GAL3ST2: variants seen among roughly 807,000 people sequenced by gnomAD.
GAL3ST2 encodes the protein galactose-3-O-sulfotransferase 2.
Under a neutral mutation model 12.9 loss-of-function variants are expected in GAL3ST2, and 16 were observed. That is an observed-to-expected ratio of 1.24 (90% CI 0.84 to 1.88). The LOEUF (loss-of-function observed/expected upper bound fraction) is 1.88. Among genes scored for constraint, GAL3ST2 ranks in the 40% most tolerant of loss-of-function variants. The pLI is 0.00. For synonymous variants in GAL3ST2, 302 were observed against 273.9 expected (o/e 1.10, Z -1.01); for missense variants, 639 against 571.8 (o/e 1.12, Z -1.20).
In GAL3ST2 at chr2:241,802,223, T is replaced by TCGCCTGC. The variant is rs1241996483; in HGVS notation, c.375+190_375+196dup. 6.6e-6 allele frequency among the ~76,000 whole-genome samples: 1 copy of TCGCCTGC among 152,112 alleles called. No homozygotes were observed. The highest frequency in any genetic ancestry group is 1.5e-5 in the Non-Finnish European group (1 of 67,996). On this transcript the variant is annotated intron_variant, in intron 3 of 3. Coordinates refer to ENST00000192314, the MANE Select transcript of GAL3ST2 (RefSeq NM_022134.3). The surrounding 1 kb of genome is among the most constrained non-coding windows in gnomAD (Gnocchi z 4.8). ...AACCCCTGCCCCTCCAGGCGGCCAGTCGCCTGCCGTTGCTCTTGGAATGAG... is the reference window on the plus strand; with the variant it reads ...AACCCCTGCCCCTCCAGGCGGCCAGTCGCCTGCCGCCTGCCGTTGCTCTTGGAATGAG...
At position 241,793,278 on chromosome 2, in the gene GAL3ST2, C is replaced by T. The variant is rs1364518461; in HGVS notation, c.30-5787C>T. On this transcript the variant is annotated intron_variant, in intron 1 of 3. Transcript: ENST00000192314. The surrounding 1 kb of genome is among the most constrained non-coding windows in gnomAD (Gnocchi z 4.7). ...TGCCATAAAGTTCATCCATGTCCAGCGAGCTGGTCAGAAGGAACCGCAGGG... is the reference window on the plus strand; with the variant it reads ...TGCCATAAAGTTCATCCATGTCCAGTGAGCTGGTCAGAAGGAACCGCAGGG... Among the ~76,000 whole-genome samples, 5 of 152,106 alleles carry T rather than the reference C, an allele frequency of 3.3e-5. No homozygotes were observed. The highest frequency in any genetic ancestry group is 3.8e-4 in the East Asian group (2 of 5,198).
Position 241,804,001 on chromosome 2 carries a change from C to A in GAL3ST2, c.1032C>A (p.Ser344=). The A allele has an allele frequency of 6.4e-7, 1 of 1,564,270 alleles. No individual in the cohort carries two copies. Among genetic ancestry groups the A allele is most frequent in the East Asian group, 2.5e-5 (1 of 39,918 alleles). Residue 344 remains serine, a synonymous_variant, in exon 4 of 4, where the codon TCC becomes TCA. Transcript: ENST00000192314. ...IRDPRLRPYQ[S]GKADILGYNL... Reference sequence around the variant, plus strand: ...ACCCGCGCCTGCGCCCCTACCAGTCCGGCAAGGCCGACATCCTGGGTTACA... The same window carrying A: ...ACCCGCGCCTGCGCCCCTACCAGTCAGGCAAGGCCGACATCCTGGGTTACA...
Position 241,802,109 on chromosome 2 carries a change from TG to T in GAL3ST2, c.375+75del. On this transcript the variant is annotated intron_variant, in intron 3 of 3. Transcript: ENST00000192314. This position sits in a 1 kb window ranked among gnomAD's most constrained non-coding sequence, Gnocchi z 4.8. ...GGCTGTGGGTCTGGGTGGTGTAGCC[TG>T]GAGGCTGGAGAGAAGGAGTGTAAGG... 1 of 1,480,912 alleles carries T rather than the reference TG, an allele frequency of 6.8e-7. No homozygotes were observed. Among genetic ancestry groups the T allele is most frequent in the East Asian group, 2.5e-5 (1 of 39,846 alleles). 91.7% of individuals were successfully genotyped at this position (1,480,912 alleles called of 1,614,324 possible). A position where few individuals can be genotyped will look rare whatever the true frequency, so the allele number is the denominator to read the frequency against.
intron 1 of GAL3ST2, among the ~76,000 whole-genome samples, chr2:241,778,265 G>A (rs1575359860): frequency 6.6e-6 from 1 of 152,224 alleles, no homozygotes. Context: ...CAAATCAACA[G>A]CCCTGGGGAC....
chr2:241,788,798 T>TGGAGAGAGAAAC (rs1699658487), intron 1 of GAL3ST2, among the ~76,000 whole-genome samples: 1 of 152,118 alleles, frequency 6.6e-6, no homozygotes, highest in Admixed American at 6.5e-5. Context: ...CATAGACCTC[T>TGGAGAGAGAAAC]GGAGAGAGAA....
rs1265140181 is a variant in GAL3ST2, at chr2:241,776,842, G to T, written c.-114G>T. Reference sequence around the variant, plus strand: ...ATTCCAGTTCACCTGCCCCACAGCCGCACCCTGCCTGTGCCTGCACCCTGG... The same window carrying T: ...ATTCCAGTTCACCTGCCCCACAGCCTCACCCTGCCTGTGCCTGCACCCTGG... On this transcript the variant is annotated 5_prime_UTR_variant, in exon 1 of 4. Coordinates refer to ENST00000192314, the MANE Select transcript of GAL3ST2 (RefSeq NM_022134.3). 3.4e-6 allele frequency: 3 copies of T among 886,288 alleles called. No individual in the cohort carries two copies. Among genetic ancestry groups the T allele is most frequent in the South Asian group, 3.6e-5 (1 of 27,598 alleles). 54.9% of individuals were successfully genotyped at this position (886,288 alleles called of 1,614,324 possible). A position where few individuals can be genotyped will look rare whatever the true frequency, so the allele number is the denominator to read the frequency against.
rs933403225 is a variant in GAL3ST2 at position 241,798,961 on chromosome 2, C to T, written c.30-104C>T. ...AAGACGTTACAGAGGTGAGGGGAGG[C>T]CCAGACCTGTGTGGCCCAAGGCCTG... On this transcript the variant is annotated intron_variant, in intron 1 of 3. Coordinates refer to ENST00000192314, the MANE Select transcript of GAL3ST2 (RefSeq NM_022134.3). 26 of 883,996 alleles carry T rather than the reference C, an allele frequency of 2.9e-5. No homozygotes were observed. The Admixed American group carries it at 4.6e-4, about 16-fold the overall frequency. The allele number at this position is 883,996 out of a possible 1,614,324, so 54.8% of individuals were successfully genotyped here.
At chr2:241,780,275 C>G (rs1266094643) in intron 1 of GAL3ST2, among the ~76,000 whole-genome samples, 1 of 152,144 alleles carries the variant, frequency 6.6e-6, no homozygotes. Flanking sequence ...AATCCCAGCA[C>G]TTTGGGAGGC....
intron 1 of GAL3ST2, among the ~76,000 whole-genome samples, chr2:241,786,302 A>AAAC (rs200893227): frequency 2.2e-4 from 34 of 152,272 alleles, no homozygotes; most frequent in African/African-American, 7.5e-4. Flanking sequence ...AAACAGAGAC[A>AAAC]AACAACAACA....
Position 241,793,655 on chromosome 2 carries a change from CAT to C in GAL3ST2, c.30-5407_30-5406del, listed in dbSNP as rs576160600. Among the ~76,000 whole-genome samples, 95 of 147,708 alleles carry C rather than the reference CAT, an allele frequency of 6.4e-4. 1 individual carries two copies. In the East Asian group the frequency reaches 8.9e-3, roughly 14 times the overall value. On this transcript the variant is annotated intron_variant, in intron 1 of 3. Transcript: ENST00000192314. This position sits in a 1 kb window ranked among gnomAD's most constrained non-coding sequence, Gnocchi z 4.7. ...TGTTTGTGTGTACATATTGTGTATG[CAT>C]ATGTGTGTGTATGCACATATTGTGT...
At position 241,801,332 on chromosome 2, in the gene GAL3ST2, T is replaced by TCTCGGTGGTC; in HGVS notation, c.120-449_120-448insCTCGGTGGTC. 5.3e-6 allele frequency: 1 copy of TCTCGGTGGTC among 189,548 alleles called. No homozygotes were observed. Among genetic ancestry groups the TCTCGGTGGTC allele is most frequent in the Non-Finnish European group, 1.1e-5 (1 of 92,090 alleles). 11.7% of individuals were successfully genotyped at this position (189,548 alleles called of 1,614,324 possible). On this transcript the variant is annotated intron_variant, in intron 2 of 3. Coordinates refer to ENST00000192314, the MANE Select transcript of GAL3ST2 (RefSeq NM_022134.3). The surrounding 1 kb of genome is among the most constrained non-coding windows in gnomAD (Gnocchi z 4.4). ...GCTGCACAGTATTCCGTGGTGTAGA[T>TCTCGGTGGTC]GTGCCACATTTTCTTTACGGTCTCT...
chr2:241,797,366 G>A (rs1031086888), intron 1 of GAL3ST2, among the ~76,000 whole-genome samples: 16 of 152,180 alleles, frequency 1.1e-4, no homozygotes, highest in African/African-American at 3.9e-4. Context: ...TGACTGTTTA[G>A]AATTTTTCTG....
intron 1 of GAL3ST2, among the ~76,000 whole-genome samples, chr2:241,783,728 C>T (rs900072125): frequency 2.2e-4 from 34 of 152,168 alleles, no homozygotes; most frequent in African/African-American, 7.7e-4. Context: ...CATCATTTAA[C>T]GTTATGAAAC....
At chr2:241,779,625 A>G (rs1030782831) in intron 1 of GAL3ST2, among the ~76,000 whole-genome samples, 2 of 151,964 alleles carry the variant, frequency 1.3e-5, no homozygotes, top group Non-Finnish European at 2.9e-5. Context: ...CAAAGAAAAG[A>G]GCAATCCTGG....
chr2:241,785,820 C>T (rs921993029), intron 1 of GAL3ST2, among the ~76,000 whole-genome samples: 4 of 151,994 alleles, frequency 2.6e-5, no homozygotes, highest in Admixed American at 2.6e-4. Context: ...AGACAAAAAA[C>T]CCAAAAACAT....
chr2:241,790,712 G>A (rs1699684561), intron 1 of GAL3ST2, among the ~76,000 whole-genome samples: 1 of 152,138 alleles, frequency 6.6e-6, no homozygotes, highest in African/African-American at 2.4e-5. Flanking sequence ...TCTCTTGTGG[G>A]AAAAATCCAC....
intron 1 of GAL3ST2, among the ~76,000 whole-genome samples, chr2:241,780,939 G>T (rs114131819): frequency 1.3e-5 from 2 of 152,222 alleles, no homozygotes; most frequent in African/African-American, 4.8e-5. Context: ...TATTGGGTCC[G>T]TAAGTCAAGT....
rs548783494 is a variant in GAL3ST2, at chr2:241,802,387, T to C, written c.375+351T>C. ...GGCTGCAGGCCCTTCTTTGGGTCCC[T>C]TGGGTCTCAGCATAGAGCCGGCTTC... On this transcript the variant is annotated intron_variant, in intron 3 of 3. Transcript: ENST00000192314. This position sits in a 1 kb window ranked among gnomAD's most constrained non-coding sequence, Gnocchi z 4.8. 4.6e-5 allele frequency among the ~76,000 whole-genome samples: 7 copies of C among 152,250 alleles called. No individual in the cohort carries two copies. Among genetic ancestry groups the C allele is most frequent in the African/African-American group, 1.4e-4 (6 of 41,554 alleles).
chr2:241,797,482 A>C (rs1489479402), intron 1 of GAL3ST2, among the ~76,000 whole-genome samples: 2 of 152,210 alleles, frequency 1.3e-5, no homozygotes, highest in Non-Finnish European at 2.9e-5. Context: ...TTTATGCAAA[A>C]ATCATCTCCT....
Sources: allele counts gnomAD v4.1 joint callset (sites outside exome capture counted in the v4.1 genomes callset), GRCh38; gene constraint gnomAD v4.1.1; non-coding constraint Gnocchi (gnomAD v3.1); transcripts MANE v1.5; gene names NCBI Gene and HGNC (gene_info 2026-07-23, HGNC 2026-07-21).